CSK: variants seen among roughly 807,000 people sequenced by gnomAD.
The protein encoded by CSK is tyrosine-protein kinase CSK.
Under a neutral mutation model 62.3 loss-of-function variants are expected in CSK, and 7 were observed. That is an observed-to-expected ratio of 0.11 (90% CI 0.06 to 0.21). CSK has a LOEUF of 0.21. Among genes scored for constraint, CSK ranks in the 10% least tolerant of loss-of-function variants. CSK has a pLI of 1.00. For missense variants in CSK, 294 were observed against 613.5 expected (o/e 0.48, Z 5.50); for synonymous variants, 237 against 246.0 (o/e 0.96, Z 0.34).
chr15:74,782,844 C>G lies in CSK; in HGVS notation c.-66+124C>G, dbSNP rs2063457356. 1 of 152,428 alleles carries G rather than the reference C, an allele frequency of 6.6e-6. No individual in the cohort carries two copies. Among genetic ancestry groups the G allele is most frequent in the African/African-American group, 2.4e-5 (1 of 41,472 alleles). The allele number at this position is 152,428 out of a possible 1,614,324, so 9.4% of individuals were successfully genotyped here. A position where few individuals can be genotyped will look rare whatever the true frequency, so the allele number is the denominator to read the frequency against. ...CCCTCTTCTCCCACTTCTCCCTTCT[C>G]TCCTTTACTCCCTTGCACGGGTTCG... On this transcript the variant is annotated intron_variant, in intron 1 of 12. Coordinates refer to ENST00000220003, the MANE Select transcript of CSK (RefSeq NM_004383.3). The surrounding 1 kb of genome is among the most constrained non-coding windows in gnomAD (Gnocchi z 5.7).
chr15:74,787,648 A>G (rs537012870), intron 1 of CSK, among the ~76,000 whole-genome samples: 1 of 151,752 alleles, frequency 6.6e-6, no homozygotes, highest in Non-Finnish European at 1.5e-5. Context: ...CTGTGCACAC[A>G]CCCTCCAACC....
chr15:74,790,586 A>T (rs946689067), intron 1 of CSK, among the ~76,000 whole-genome samples: 2 of 152,250 alleles, frequency 1.3e-5, no homozygotes, highest in South Asian at 4.1e-4. Context: ...TGGTCCTGCC[A>T]CATCCCAAGC....
At position 74,800,503 on chromosome 15, in the gene CSK, G is replaced by A. The variant is rs759552485; in HGVS notation, c.554G>A (p.Arg185His). The A allele has an allele frequency of 2.5e-6, 4 of 1,613,248 alleles. No homozygotes were observed. The highest frequency in any genetic ancestry group is 1.1e-5 in the South Asian group (1 of 90,878). ...GTVAAQDEFY[R>H]SGWALNMKEL... is the part of the protein sequence containing the mutation. The stretch of plus-strand genomic sequence containing the variant: ...GTGGCGGCCCAGGATGAGTTCTACC[G>A]CAGTGAGTGCACCCCACCCCAGACC... Residue 185 changes from arginine to histidine, a missense_variant and splice_region_variant, in exon 6 of 13, where the codon CGC becomes CAC. Physicochemically the swap from Arg to His is conservative, Grantham distance 29. Coordinates refer to ENST00000220003, the MANE Select transcript of CSK (RefSeq NM_004383.3).
intron 1 of CSK, among the ~76,000 whole-genome samples, chr15:74,794,912 C>T (rs930248382): frequency 4.6e-5 from 7 of 152,290 alleles, no homozygotes; most frequent in African/African-American, 1.7e-4. Flanking sequence ...CAGTGGAAGT[C>T]CCCCTGCTGC....
At chr15:74,795,152 C>T (rs942842076) in intron 1 of CSK, among the ~76,000 whole-genome samples, 1 of 152,096 alleles carries the variant, frequency 6.6e-6, no homozygotes, top group African/African-American at 2.4e-5. Flanking sequence ...GGGGTGCCTT[C>T]CCTGGCCCGC....
chr15:74,792,121 C>T (rs2063630852), intron 1 of CSK, among the ~76,000 whole-genome samples: 1 of 152,166 alleles, frequency 6.6e-6, no homozygotes, highest in South Asian at 2.1e-4. Flanking sequence ...ATGCTGTCCC[C>T]TTTCAGGGAC....
chr15:74,797,599 G>C (rs886776241), intron 1 of CSK, among the ~76,000 whole-genome samples: 2 of 152,202 alleles, frequency 1.3e-5, no homozygotes, highest in Non-Finnish European at 2.9e-5. Context: ...TTAATGGTTG[G>C]TGTTTACTGC....
intron 1 of CSK, among the ~76,000 whole-genome samples, chr15:74,787,074 G>A (rs2063533628): frequency 6.6e-6 from 1 of 152,152 alleles, no homozygotes; most frequent in Admixed American, 6.5e-5. Context: ...AGTTTCCCCC[G>A]CCCTTGGTTG....
rs16953877 is a variant in CSK, at chr15:74,801,239, T to C, written c.813+137T>C. ...CACCAGGGCTGGGCTTTTGTCCTGG[T>C]TTACCATTCATTGACTGTAACATTG... On this transcript the variant is annotated intron_variant, in intron 9 of 12. Transcript: ENST00000220003. 0.014 allele frequency: 12,977 copies of C among 944,088 alleles called. 962 individuals are homozygous for C. The African/African-American group carries it at 0.17, about 13-fold the overall frequency. 58.5% of individuals were successfully genotyped at this position (944,088 alleles called of 1,614,324 possible).
chr15:74,791,703 G>C (rs1380251358), intron 1 of CSK, among the ~76,000 whole-genome samples: 1 of 151,234 alleles, frequency 6.6e-6, no homozygotes, highest in Non-Finnish European at 1.5e-5. Context: ...TTTTTGTTTT[G>C]CTCTTTTATG....
Position 74,782,350 on chromosome 15 carries a change from G to T in CSK, c.-436G>T, listed in dbSNP as rs1482477453. The T allele has an allele frequency of 6.7e-6, 1 of 150,282 alleles. No individual in the cohort carries two copies. Among genetic ancestry groups the T allele is most frequent in the Non-Finnish European group, 1.5e-5 (1 of 67,200 alleles). 9.3% of individuals were successfully genotyped at this position (150,282 alleles called of 1,614,324 possible). A position where few individuals can be genotyped will look rare whatever the true frequency, so the allele number is the denominator to read the frequency against. On this transcript the variant is annotated 5_prime_UTR_variant, in exon 1 of 13. Coordinates refer to ENST00000220003, the MANE Select transcript of CSK (RefSeq NM_004383.3). The surrounding 1 kb of genome is among the most constrained non-coding windows in gnomAD (Gnocchi z 5.7). Reference sequence around the variant, plus strand: ...GAGCCCGCGGGGCGTGGAGCGCGAGGAGCCCCGCGGCCCCGATCGAGCGTC... The same window carrying T: ...GAGCCCGCGGGGCGTGGAGCGCGAGTAGCCCCGCGGCCCCGATCGAGCGTC...
chr15:74,802,378 T>C lies in CSK; in HGVS notation c.1218T>C (p.Asp406=). The C allele has an allele frequency of 6.2e-7, 1 of 1,610,150 alleles. No homozygotes were observed. Among genetic ancestry groups the C allele is most frequent in the Non-Finnish European group, 8.5e-7 (1 of 1,179,108 alleles). Residue 406 remains aspartate (D), a synonymous_variant, in exon 13 of 13, where the codon GAT becomes GAC. Coordinates refer to ENST00000220003, the MANE Select transcript of CSK (RefSeq NM_004383.3). Reference sequence around the variant, plus strand: ...GGGTGGAGAAGGGCTACAAGATGGATGCCCCCGACGGCTGCCCGCCCGCAG... The same window carrying C: ...GGGTGGAGAAGGGCTACAAGATGGACGCCCCCGACGGCTGCCCGCCCGCAG... ...VPRVEKGYKM[D]APDGCPPAVY...
At chr15:74,800,769 G>A in intron 7 of CSK, 23 bp downstream of exon 7, 1 of 1,585,314 alleles carries the variant, frequency 6.3e-7, no homozygotes, top group Middle Eastern at 1.7e-4. Flanking sequence ...GGGCCCCCTG[G>A]GGGGGTTCTG....
At chr15:74,799,035 T>A in intron 4 of CSK, 97 bp downstream of exon 4, 1 of 1,192,428 alleles carries the variant, frequency 8.4e-7, no homozygotes, top group Non-Finnish European at 1.1e-6. Context: ...GGGGCTTGGG[T>A]GTTGGGGAGG....
chr15:74,802,289 A>AGGACCTG lies in CSK; in HGVS notation c.1171-40_1171-39insACCTGGG, dbSNP rs777370153. 15 of 1,533,518 alleles carry AGGACCTG rather than the reference A, an allele frequency of 9.8e-6. No homozygotes were observed. In the South Asian group the frequency reaches 1.9e-4, roughly 19 times the overall value. The allele number at this position is 1,533,518 out of a possible 1,614,324, so 95.0% of individuals were successfully genotyped here. A position where few individuals can be genotyped will look rare whatever the true frequency, so the allele number is the denominator to read the frequency against. ...GGCTGCTGGGTAGGTGTCCTCTCTG[A>AGGACCTG]GGCCAGGGCCTGGACTGACTCCTGC... On this transcript the variant is annotated intron_variant, in intron 12 of 12. Transcript: ENST00000220003.
At position 74,801,685 on chromosome 15, in the gene CSK, C is replaced by T; in HGVS notation, c.888-10C>T. The T allele has an allele frequency of 2.5e-6, 4 of 1,610,622 alleles. No individual in the cohort carries two copies. The highest frequency in any genetic ancestry group is 3.4e-6 in the Non-Finnish European group (4 of 1,177,396). ...CAGTCTGAGGGGACATGTGGCTGGC[C>T]TACCCCCAGAGATGTCTGCGAGGCC... On this transcript the variant is annotated splice_polypyrimidine_tract_variant and intron_variant, in intron 10 of 12. Transcript: ENST00000220003.
At chr15:74,791,381 CTCTT>C (rs1176400063) in intron 1 of CSK, among the ~76,000 whole-genome samples, 1 of 152,114 alleles carries the variant, frequency 6.6e-6, no homozygotes, top group Non-Finnish European at 1.5e-5. Context: ...TTTACTCTAT[CTCTT>C]CTTTTATCTA....
rs182164576 is a variant in CSK, at chr15:74,791,121, G to A, written c.-65-7112G>A. ...CTCACTTTCCCTTCTCATCCTAGAG[G>A]CAACCTCTGTTACCAGTTTCCTCTG... On this transcript the variant is annotated intron_variant, in intron 1 of 12. Transcript: ENST00000220003. Among the ~76,000 whole-genome samples the A allele has an allele frequency of 1.1e-3, 164 of 152,256 alleles. 1 individual carries two copies. Among genetic ancestry groups the A allele is most frequent in the African/African-American group, 3.9e-3 (162 of 41,546 alleles).
chr15:74,797,477 T>C (rs1369989217), intron 1 of CSK, among the ~76,000 whole-genome samples: 1 of 152,152 alleles, frequency 6.6e-6, no homozygotes, highest in African/African-American at 2.4e-5. Flanking sequence ...TGAGCCGAGA[T>C]TGTGCTACTG....
Sources: gnomAD v4.1 joint callset for allele counts (sites outside exome capture counted in the v4.1 genomes callset) on GRCh38, gnomAD v4.1.1 for gene constraint, Gnocchi (gnomAD v3.1) non-coding constraint, MANE v1.5 for transcripts, NCBI Gene and HGNC (gene_info 2026-07-23, HGNC 2026-07-21) for gene names.